Variants in PSD2 observed in about 807,000 individuals in gnomAD.
The protein encoded by PSD2 is pleckstrin and Sec7 domain containing 2.
Under a neutral mutation model 69.8 loss-of-function variants are expected in PSD2, and 38 were observed. That is an observed-to-expected ratio of 0.54 (90% CI 0.42 to 0.71). The LOEUF is 0.71. PSD2 is among the 30% of genes least tolerant of loss of function. PSD2 has a pLI of 0.00. For missense variants in PSD2, 943 were observed against 1,014.5 expected (o/e 0.93, Z 0.96); for synonymous variants, 412 against 423.0 (o/e 0.97, Z 0.32).
intron 5 of PSD2, among the ~76,000 whole-genome samples, chr5:139,821,590 G>A (rs1760261175): frequency 6.6e-6 from 1 of 152,214 alleles, no homozygotes; most frequent in Non-Finnish European, 1.5e-5. Context: ...CTGAAGAAGA[G>A]CAGGTGCTGA....
upstream of PSD2, among the ~76,000 whole-genome samples, chr5:139,795,518 G>A (rs937427385): frequency 4.6e-5 from 7 of 152,238 alleles, no homozygotes; most frequent in Admixed American, 2.6e-4. This position sits in a 1 kb window ranked among gnomAD's most constrained non-coding sequence, Gnocchi z 4.5. Context: ...GTTCGAGGAC[G>A]GCAGGGGCCC....
chr5:139,752,710 A>G, the PSD2 span, among the ~76,000 whole-genome samples: 2 of 152,328 alleles, frequency 1.3e-5, no homozygotes, highest in Non-Finnish European at 2.9e-5. Context: ...ACATCTGCAC[A>G]GTAAGACACA....
At chr5:139,813,875 C>A in intron 3 of PSD2, 117 bp downstream of exon 3, 1 of 887,878 alleles carries the variant, frequency 1.1e-6, no homozygotes, top group Non-Finnish European at 1.7e-6. Flanking sequence ...TCTTCAAGGT[C>A]ACCTGGTCTA....
chr5:139,776,350 C>T, the PSD2 span, among the ~76,000 whole-genome samples: 1 of 152,232 alleles, frequency 6.6e-6, no homozygotes, highest in African/African-American at 2.4e-5. Context: ...TTGGCCTGCC[C>T]TGGAGGAAAA....
chr5:139,795,564 C>T (rs1434073381), upstream of PSD2, among the ~76,000 whole-genome samples: 1 of 152,014 alleles, frequency 6.6e-6, no homozygotes, highest in Non-Finnish European at 1.5e-5. This position sits in a 1 kb window ranked among gnomAD's most constrained non-coding sequence, Gnocchi z 4.5. Context: ...CCGGGCGCTC[C>T]CCTCCCCCCC....
At chr5:139,747,856 G>A in the PSD2 span, among the ~76,000 whole-genome samples, 1 of 152,220 alleles carries the variant, frequency 6.6e-6, no homozygotes, top group African/African-American at 2.4e-5. This position sits in a 1 kb window ranked among gnomAD's most constrained non-coding sequence, Gnocchi z 6.7. Flanking sequence ...GTAGGGGGAG[G>A]CGGCAGAGCG....
At chr5:139,781,055 G>A in the PSD2 span, among the ~76,000 whole-genome samples, 5 of 152,256 alleles carry the variant, frequency 3.3e-5, no homozygotes, top group East Asian at 9.6e-4. Flanking sequence ...AGCTTCTGAT[G>A]CCATCCCCTT....
chr5:139,786,833 C>T, the PSD2 span, among the ~76,000 whole-genome samples: 1 of 152,118 alleles, frequency 6.6e-6, no homozygotes, highest in East Asian at 1.9e-4. Flanking sequence ...AAGAGCCTGC[C>T]TGGAAATGAA....
the PSD2 span, among the ~76,000 whole-genome samples, chr5:139,757,235 G>A: frequency 6.6e-6 from 1 of 152,192 alleles, no homozygotes; most frequent in Non-Finnish European, 1.5e-5. Context: ...AGAGTGGGCT[G>A]GGTGGGCAGT....
rs781587341 is a variant in PSD2, at chr5:139,822,808, G to T, written c.1269+24G>T. 11 of 1,596,426 alleles carry T rather than the reference G, an allele frequency of 6.9e-6. No homozygotes were observed. The South Asian group carries it at 1.0e-4, about 15-fold the overall frequency. ...ACGTGAGTTGGGGAGGTGACGGGGG[G>T]TGTCGCATGTCCTCTCAGGGACCCA... On this transcript the variant is annotated intron_variant, in intron 7 of 14. Transcript: ENST00000274710.
chr5:139,770,038 G>A, the PSD2 span, among the ~76,000 whole-genome samples: 2 of 152,224 alleles, frequency 1.3e-5, no homozygotes, highest in African/African-American at 4.8e-5. Context: ...GGTGTCATGC[G>A]GGCCGGCTGG....
Position 139,821,913 on chromosome 5 carries a change from C to G in PSD2, c.1118C>G (p.Pro373Arg). 6.2e-7 allele frequency: 1 copy of G among 1,608,168 alleles called. No individual in the cohort carries two copies. The highest frequency in any genetic ancestry group is 8.5e-7 in the Non-Finnish European group (1 of 1,176,760). The change falls in exon 6 of 15, where the codon CCG (proline) becomes CGG (arginine). Residue 373 changes from proline (P) to arginine (R), a missense_variant. Pro to Arg is a moderately radical substitution (Grantham distance 103). Around this residue, in one of 3 missense-constraint regions of PSD2, gnomAD observed 312 missense variants for 400.7 expected, o/e 0.78. Coordinates refer to ENST00000274710, the MANE Select transcript of PSD2 (RefSeq NM_032289.4). Reference sequence around the variant, plus strand: ...TCCAGAACATTCTTGAAGGCCTTCCCGCTGATGGGGGAGACACAAGAGCGT... The same window carrying G: ...TCCAGAACATTCTTGAAGGCCTTCCGGCTGATGGGGGAGACACAAGAGCGT... Reference protein sequence around the residue: ...GALRTFLKAFPLMGETQERER... With the variant: ...GALRTFLKAFRLMGETQERER...
At chr5:139,804,903 G>C (rs1331448872) in intron 1 of PSD2, among the ~76,000 whole-genome samples, 1 of 151,854 alleles carries the variant, frequency 6.6e-6, no homozygotes, top group East Asian at 1.9e-4. Context: ...GTGTGTGCGT[G>C]CGTGTGTGCA....
At chr5:139,784,908 C>T in the PSD2 span, among the ~76,000 whole-genome samples, 6 of 152,098 alleles carry the variant, frequency 3.9e-5, no homozygotes, top group African/African-American at 1.4e-4. Context: ...GTGTGCACCA[C>T]CACGCCTGGC....
At chr5:139,816,136 T>C (rs187803675) in intron 4 of PSD2, among the ~76,000 whole-genome samples, 1 of 152,360 alleles carries the variant, frequency 6.6e-6, no homozygotes, top group East Asian at 1.9e-4. Context: ...CACAGCCTTT[T>C]TTTCATGTGC....
chr5:139,754,870 AAAAAAC>A, the PSD2 span, among the ~76,000 whole-genome samples: 2,291 of 152,194 alleles, frequency 0.015, 59 homozygotes, highest in African/African-American at 0.052. Flanking sequence ...CTGTCTCAAA[AAAAAAC>A]AAAAACAAAA....
chr5:139,788,671 C>T, the PSD2 span, among the ~76,000 whole-genome samples: 5 of 152,236 alleles, frequency 3.3e-5, no homozygotes, highest in Admixed American at 6.5e-5. Flanking sequence ...CACAAAGGCC[C>T]TTAGATGCCG....
chr5:139,765,140 C>T, the PSD2 span, among the ~76,000 whole-genome samples: 7 of 152,166 alleles, frequency 4.6e-5, no homozygotes, highest in Middle Eastern at 0.014. Context: ...CTGCGGGTTC[C>T]GTGACCCTCC....
the PSD2 span, among the ~76,000 whole-genome samples, chr5:139,781,968 C>T: frequency 2.6e-5 from 4 of 152,116 alleles, no homozygotes; most frequent in African/African-American, 7.2e-5. Context: ...CACACACACA[C>T]AGCATTTCAT....
Sources: gnomAD v4.1 joint callset for allele counts (sites outside exome capture counted in the v4.1 genomes callset) on GRCh38, gnomAD v4.1.1 for gene constraint, gnomAD v4.1.1 regional missense constraint, Gnocchi (gnomAD v3.1) non-coding constraint, MANE v1.5 for transcripts, NCBI Gene and HGNC (gene_info 2026-07-23, HGNC 2026-07-21) for gene names.